LINGO1: variants seen among roughly 807,000 people sequenced by gnomAD.
LINGO1 encodes the protein leucine-rich repeat and immunoglobulin-like domain-containing nogo receptor-interacting protein 1.
In LINGO1, 11 loss-of-function variants were observed where a neutral mutation model predicts 37.3. That is an observed-to-expected ratio of 0.29 (90% CI 0.19 to 0.49). The LOEUF is 0.49. Ranked by LOEUF, LINGO1 falls within the 20% of genes least tolerant of loss-of-function variation. The pLI, the probability that LINGO1 is intolerant of heterozygous loss-of-function variation, is 0.99. For missense variants in LINGO1, 585 were observed against 878.2 expected (o/e 0.67, Z 4.22); for synonymous variants, 387 against 403.0 (o/e 0.96, Z 0.48).
At chr15:77,662,296 C>T (rs1320887576) in intron 3 of LINGO1, among the ~76,000 whole-genome samples, 1 of 152,190 alleles carries the variant, frequency 6.6e-6, no homozygotes, top group Non-Finnish European at 1.5e-5. Context: ...CCCAAGGGGC[C>T]TCTGAGCACT....
intron 2 of LINGO1, among the ~76,000 whole-genome samples, chr15:77,679,499 A>T (rs2075379734): frequency 6.6e-6 from 1 of 152,174 alleles, no homozygotes; most frequent in Non-Finnish European, 1.5e-5. Context: ...GCCTAGCACC[A>T]TTCTGAGTGC....
upstream of LINGO1, among the ~76,000 whole-genome samples, chr15:77,698,124 C>T (rs1427529288): frequency 6.6e-6 from 1 of 152,014 alleles, no homozygotes; most frequent in African/African-American, 2.4e-5. Context: ...AGGTGGGGTA[C>T]AGCAATATAG....
At chr15:77,700,926 T>C (rs2075774586), upstream of LINGO1, among the ~76,000 whole-genome samples, 2 of 152,090 alleles carry the variant, frequency 1.3e-5, no homozygotes, top group Non-Finnish European at 2.9e-5. Flanking sequence ...CAGCTCTTGG[T>C]CTAAACAGGC....
chr15:77,813,840 C>CTTACTGTCTG (rs2077026808), intron 1 of LINGO1, among the ~76,000 whole-genome samples: 1 of 152,328 alleles, frequency 6.6e-6, no homozygotes, highest in South Asian at 2.1e-4. Flanking sequence ...AGTGAGCTGT[C>CTTACTGTCTG]TAAGGTTATA....
intron 2 of LINGO1, chr15:77,720,497 A>G (rs1424588536): frequency 6.6e-6 from 1 of 152,296 alleles, no homozygotes; most frequent in African/African-American, 2.4e-5. Context: ...CTCCTTCCCC[A>G]TGCAACAGAA....
chr15:77,648,188 G>T, intron 3 of LINGO1: 1 of 322,642 alleles, frequency 3.1e-6, no homozygotes, highest in East Asian at 8.8e-5. Context: ...AATAATAATT[G>T]TAGTATTAAC....
chr15:77,766,574 G>A (rs1257217835), intron 1 of LINGO1, among the ~76,000 whole-genome samples: 1 of 152,172 alleles, frequency 6.6e-6, no homozygotes. Flanking sequence ...TGGATCATGA[G>A]GATGGCTCCC....
At chr15:77,652,323 T>C (rs1310454838) in intron 3 of LINGO1, 5 of 151,704 alleles carry the variant, frequency 3.3e-5, no homozygotes, top group Admixed American at 3.3e-4. Context: ...ATTCATTGGG[T>C]AGAAGGGGGG....
chr15:77,645,706 C>T (rs929508758), intron 3 of LINGO1, among the ~76,000 whole-genome samples: 4 of 152,234 alleles, frequency 2.6e-5, no homozygotes, highest in African/African-American at 7.2e-5. Flanking sequence ...CCCAGTCCCA[C>T]CAGAGAGCTG....
rs1249483412 is a variant in LINGO1, at chr15:77,623,652, G to A, written c.7-7752C>T. On this transcript the variant is annotated intron_variant, in intron 1 of 1. Transcript: ENST00000355300. ...GGCAGCCAGTGTCCGCCGTCTCCCC[G>A]GGGGTTGGTCCGCCCCGCCCCCACC... Among the ~76,000 whole-genome samples the A allele has an allele frequency of 3.9e-5, 6 of 152,190 alleles. No homozygotes were observed. The East Asian group carries it at 5.8e-4, about 15-fold the overall frequency.
chr15:77,681,812 G>A (rs546092945), intron 2 of LINGO1, among the ~76,000 whole-genome samples: 2 of 152,112 alleles, frequency 1.3e-5, no homozygotes, highest in South Asian at 4.1e-4. Flanking sequence ...ACACCCAGGT[G>A]AGGGGTGAGC....
At position 77,632,075 on chromosome 15, in the gene LINGO1, G is replaced by A. The variant is rs887081224; in HGVS notation, c.6+235C>T. 6.6e-6 allele frequency among the ~76,000 whole-genome samples: 1 copy of A among 152,218 alleles called. No homozygotes were observed. On this transcript the variant is annotated intron_variant, in intron 1 of 1. Transcript: ENST00000355300. The surrounding 1 kb of genome is among the most constrained non-coding windows in gnomAD (Gnocchi z 6.0). ...CGTGGGGGCCCCTCCCCAGCTCCAG[G>A]CTCCCAGCTTACAAACCCGGAATTT...
rs557070736 is a variant in LINGO1 at position 77,613,435 on chromosome 15, T to C, written c.*609A>G. The C allele has an allele frequency of 5.1e-4, 79 of 154,452 alleles. No homozygotes were observed. Among genetic ancestry groups the C allele is most frequent in the Admixed American group, 2.3e-3 (36 of 15,612 alleles). 9.6% of individuals were successfully genotyped at this position (154,452 alleles called of 1,614,324 possible). A position where few individuals can be genotyped will look rare whatever the true frequency, so the allele number is the denominator to read the frequency against. On this transcript the variant is annotated 3_prime_UTR_variant, in exon 2 of 2. Transcript: ENST00000355300. ...GCCCTGCAAAAAGCCAGCCCGGAGC[T>C]GGGCCCAGGCCTGCCCCCTAGCCTG...
chr15:77,740,890 CT>C (rs1321052973), intron 1 of LINGO1, among the ~76,000 whole-genome samples: 1 of 152,226 alleles, frequency 6.6e-6, no homozygotes, highest in African/African-American at 2.4e-5. Context: ...TTCTGCCGAG[CT>C]ATGCGGCCCG....
intron 1 of LINGO1, among the ~76,000 whole-genome samples, chr15:77,800,402 G>C (rs558173632): frequency 6.6e-6 from 1 of 152,352 alleles, no homozygotes; most frequent in South Asian, 2.1e-4. Flanking sequence ...GGCTCTGAGA[G>C]AGACAGAGCA....
chr15:77,776,510 A>AAGGCAGGG (rs1460407567), intron 1 of LINGO1, among the ~76,000 whole-genome samples: 1 of 75,448 alleles, frequency 1.3e-5, no homozygotes, highest in African/African-American at 5.7e-5. Flanking sequence ...GGAAGGCAGG[A>AAGGCAGGG]AGGCAGGAAG....
intron 1 of LINGO1, among the ~76,000 whole-genome samples, chr15:77,802,730 A>T (rs1374971400): frequency 6.6e-6 from 1 of 152,094 alleles, no homozygotes; most frequent in Non-Finnish European, 1.5e-5. Flanking sequence ...CCTGGGTCTG[A>T]GCCGCAACTA....
intron 2 of LINGO1, among the ~76,000 whole-genome samples, chr15:77,727,892 G>A (rs2076118872): frequency 6.6e-6 from 1 of 152,136 alleles, no homozygotes; most frequent in Non-Finnish European, 1.5e-5. Flanking sequence ...CTGGCTCCCG[G>A]GGACACTGCA....
intron 2 of LINGO1, among the ~76,000 whole-genome samples, chr15:77,706,293 G>A (rs1596136897): frequency 6.6e-6 from 1 of 152,124 alleles, no homozygotes; most frequent in East Asian, 1.9e-4. Flanking sequence ...GGCCCACCAC[G>A]GCCTGCCAGA....
Sources: gnomAD v4.1 joint callset for allele counts (sites outside exome capture counted in the v4.1 genomes callset) on GRCh38, gnomAD v4.1.1 for gene constraint, Gnocchi (gnomAD v3.1) non-coding constraint, MANE v1.5 for transcripts, NCBI Gene and HGNC (gene_info 2026-07-23, HGNC 2026-07-21) for gene names.